The following SPATC1 variants were observed in gnomAD, a reference collection of about 807,000 sequenced individuals.
The protein encoded by SPATC1 is speriolin.
A neutral mutation model predicts 36.5 loss-of-function variants in SPATC1; 35 were observed. That is an observed-to-expected ratio of 0.96 (90% CI 0.73 to 1.27). The LOEUF is 1.27. Among genes scored for constraint, SPATC1 ranks in the 50% most tolerant of loss-of-function variants. The pLI is 0.00. For synonymous variants in SPATC1, 361 were observed against 353.6 expected, an observed-to-expected ratio of 1.02 and a Z score of -0.24; for missense variants, 779 against 796.0, an observed-to-expected ratio of 0.98 and a Z score of 0.26.
At position 144,016,343 on chromosome 8, in the gene SPATC1, CTG is replaced by C. The variant is rs782279767; in HGVS notation, c.211+3628_211+3629del. On this transcript the variant is annotated intron_variant, in intron 1 of 4. Coordinates refer to ENST00000377470, the MANE Select transcript of SPATC1 (RefSeq NM_198572.3). The surrounding 1 kb of genome is among the most constrained non-coding windows in gnomAD (Gnocchi z 4.5). ...TGTGAGTGAATGTGTGCATATGGCTCTGTGTGTGTGTGAGTTGCTGTGTGTGT... is the reference window on the plus strand; with the variant it reads ...TGTGAGTGAATGTGTGCATATGGCTCTGTGTGTGTGAGTTGCTGTGTGTGT... 1.3e-5 allele frequency among the ~76,000 whole-genome samples: 2 copies of C among 151,490 alleles called. No homozygotes were observed. The highest frequency in any genetic ancestry group is 4.9e-5 in the African/African-American group (2 of 41,204).
chr8:144,011,713 G>C (rs1834285444), upstream of SPATC1, among the ~76,000 whole-genome samples: 1 of 152,148 alleles, frequency 6.6e-6, no homozygotes, highest in Admixed American at 6.5e-5. The surrounding 1 kb of genome is among the most constrained non-coding windows in gnomAD (Gnocchi z 4.5). Context: ...ACTAAAGTCA[G>C]GAAAATTCAA....
intron 1 of SPATC1, among the ~76,000 whole-genome samples, chr8:144,029,202 T>TAAA (rs1165801794): frequency 0.035 from 997 of 28,160 alleles, 79 homozygotes; most frequent in Non-Finnish European, 0.05. Flanking sequence ...ACCCCAGAAC[T>TAAA]AAAAAAAAAA....
At position 144,041,036 on chromosome 8, in the gene SPATC1, C is replaced by T. The variant is rs566474188; in HGVS notation, c.1235C>T (p.Thr412Met). ...SRGPRTTEPS[T>M]KSMMEVERKL... ...GGTCCACGCACCACAGAACCGTCGA[C>T]GAAGAGCATGATGGAGGTGGAACGG... Residue 412 changes from threonine to methionine, a missense_variant, in exon 3 of 5, where the codon ACG (threonine) becomes ATG (methionine). Coordinates refer to ENST00000377470, the MANE Select transcript of SPATC1 (RefSeq NM_198572.3). 1.3e-4 allele frequency: 211 copies of T among 1,610,418 alleles called. 3 individuals carry two copies. In the South Asian group the frequency reaches 1.6e-3, roughly 12 times the overall value.
intron 1 of SPATC1, among the ~76,000 whole-genome samples, chr8:144,020,919 TC>T (rs1834510703): frequency 6.7e-6 from 1 of 148,674 alleles, no homozygotes; most frequent in Non-Finnish European, 1.5e-5. Flanking sequence ...CAGGACCTTC[TC>T]CCCTCAGGAC....
chr8:144,032,228 C>T (rs1252196429), intron 1 of SPATC1, among the ~76,000 whole-genome samples: 4 of 152,146 alleles, frequency 2.6e-5, no homozygotes, highest in South Asian at 4.2e-4. Context: ...CTGCCCAGAT[C>T]GGTTGAATCC....
intron 1 of SPATC1, among the ~76,000 whole-genome samples, chr8:144,030,880 T>C (rs1220780095): frequency 1.3e-5 from 2 of 152,236 alleles, no homozygotes; most frequent in Non-Finnish European, 2.9e-5. Flanking sequence ...AACTTAGCTT[T>C]AATAGTATGC....
chr8:144,035,650 G>C (rs1023236237), intron 1 of SPATC1, among the ~76,000 whole-genome samples: 6 of 152,262 alleles, frequency 3.9e-5, no homozygotes, highest in Non-Finnish European at 5.9e-5. Flanking sequence ...ACCATGGCCT[G>C]TCCAGTGCTG....
At chr8:144,029,597 T>G in intron 1 of SPATC1, among the ~76,000 whole-genome samples, 1 of 152,190 alleles carries the variant, frequency 6.6e-6, no homozygotes, top group East Asian at 1.9e-4. Context: ...ATAAAGAGTG[T>G]GTTGTTTCAT....
intron 1 of SPATC1, among the ~76,000 whole-genome samples, chr8:144,026,050 C>T (rs1834670189): frequency 6.6e-6 from 1 of 152,078 alleles, no homozygotes; most frequent in Non-Finnish European, 1.5e-5. Flanking sequence ...TTTCATCACC[C>T]CAAAAAGAAA....
intron 1 of SPATC1, among the ~76,000 whole-genome samples, chr8:144,034,324 C>A (rs1834855895): frequency 6.6e-6 from 1 of 152,222 alleles, no homozygotes; most frequent in African/African-American, 2.4e-5. Context: ...CTAGCCTTGC[C>A]CGTAAGGGCC....
chr8:144,017,864 A>C (rs1400012575), intron 1 of SPATC1, among the ~76,000 whole-genome samples: 1 of 152,196 alleles, frequency 6.6e-6, no homozygotes, highest in African/African-American at 2.4e-5. Flanking sequence ...CAAGAAAATG[A>C]GTTGTATTTT....
At chr8:144,018,537 G>GGA in intron 1 of SPATC1, among the ~76,000 whole-genome samples, 1 of 152,134 alleles carries the variant, frequency 6.6e-6, no homozygotes, top group South Asian at 2.1e-4. Flanking sequence ...GATAAAAGAG[G>GGA]TACATTATGG....
intron 1 of SPATC1, among the ~76,000 whole-genome samples, chr8:144,026,417 C>G (rs1212729494): frequency 1.3e-5 from 2 of 152,108 alleles, no homozygotes; most frequent in Non-Finnish European, 2.9e-5. Flanking sequence ...TATGAACATT[C>G]ATGTACAGAT....
In SPATC1 at chr8:144,012,481, T is replaced by G. The variant is rs1554752587; in HGVS notation, c.-35T>G. On this transcript the variant is annotated 5_prime_UTR_variant, in exon 1 of 5. Transcript: ENST00000377470. Reference sequence around the variant, plus strand: ...TGGGCAGCCTCCAGGTGCAGTGCCCTCCCGTGGGCCGCACCCTTGCCACTG... The same window carrying G: ...TGGGCAGCCTCCAGGTGCAGTGCCCGCCCGTGGGCCGCACCCTTGCCACTG... The G allele has an allele frequency of 2.6e-6, 4 of 1,542,534 alleles. No homozygotes were observed. Among genetic ancestry groups the G allele is most frequent in the Non-Finnish European group, 3.5e-6 (4 of 1,139,030 alleles).
intron 1 of SPATC1, among the ~76,000 whole-genome samples, chr8:144,020,771 G>A (rs2133105886): frequency 1.2e-5 from 1 of 85,866 alleles, no homozygotes; most frequent in South Asian, 3.9e-4. Flanking sequence ...TTAGGACCAA[G>A]CTCTTCCCTT....
At chr8:144,013,906 A>G (rs1834329161) in intron 1 of SPATC1, among the ~76,000 whole-genome samples, 1 of 152,006 alleles carries the variant, frequency 6.6e-6, no homozygotes, top group Admixed American at 6.5e-5. Context: ...CAGTGAGCCA[A>G]GATCACACCA....
Position 144,046,563 on chromosome 8 carries a change from C to G in SPATC1, c.1447-64C>G. 1 of 1,489,712 alleles carries G rather than the reference C, an allele frequency of 6.7e-7. No individual in the cohort carries two copies. The highest frequency in any genetic ancestry group is 2.1e-4 in the Middle Eastern group (1 of 4,714). The allele number at this position is 1,489,712 out of a possible 1,614,324, so 92.3% of individuals were successfully genotyped here. Reference sequence around the variant, plus strand: ...CAGCCTCACCTGCCCCTCGGTCTTCCCCTTACCTGCCTGTGTGTGGAGGTG... The same window carrying G: ...CAGCCTCACCTGCCCCTCGGTCTTCGCCTTACCTGCCTGTGTGTGGAGGTG... On this transcript the variant is annotated intron_variant, in intron 4 of 4. Transcript: ENST00000377470. The surrounding 1 kb of genome is among the most constrained non-coding windows in gnomAD (Gnocchi z 6.6).
intron 4 of SPATC1, 95 bp downstream of exon 4, chr8:144,041,466 C>T: frequency 2.0e-6 from 3 of 1,473,682 alleles, no homozygotes; most frequent in Non-Finnish European, 2.7e-6. Context: ...CTTGCCAGGA[C>T]CTGAGGAGTC....
Position 144,012,547 on chromosome 8 carries a change from G to A in SPATC1, c.32G>A (p.Arg11Gln), listed in dbSNP as rs903886286. The change falls in exon 1 of 5, where the codon CGG (arginine) becomes CAG (glutamine). Residue 11 changes from arginine (R) to glutamine (Q), a missense_variant. By Grantham distance (43) the Arg-to-Gln change is conservative. Transcript: ENST00000377470. The stretch of plus-strand genomic sequence containing the variant: ...CTACTCACCAATTATGAAGGGCTTC[G>A]GCATCAGATAGAGAGGCTGGTGCGG... Reference protein sequence around the residue: MSLLTNYEGLRHQIERLVREN... With the variant: MSLLTNYEGLQHQIERLVREN... The A allele has an allele frequency of 4.5e-5, 70 of 1,551,648 alleles. No individual in the cohort carries two copies. The highest frequency in any genetic ancestry group is 5.6e-5 in the Non-Finnish European group (64 of 1,147,014).
Sources: allele counts gnomAD v4.1 joint callset (sites outside exome capture counted in the v4.1 genomes callset), GRCh38; gene constraint gnomAD v4.1.1; non-coding constraint Gnocchi (gnomAD v3.1); transcripts MANE v1.5; gene names NCBI Gene and HGNC (gene_info 2026-07-23, HGNC 2026-07-21).